ARHGEF3: variants seen among roughly 807,000 people sequenced by gnomAD.
The protein encoded by ARHGEF3 is 59.8 kDA protein.
ARHGEF3 carries 28 observed loss-of-function variants against 63.2 expected under a neutral mutation model. The observed-to-expected ratio is 0.44, with a 90% CI of 0.33 to 0.61. The LOEUF (loss-of-function observed/expected upper bound fraction) is 0.61, where lower values mean the gene tolerates loss of function less well. ARHGEF3 is among the 20% of genes least tolerant of loss of function. The pLI, the probability that ARHGEF3 is intolerant of heterozygous loss-of-function variation, is 0.03. For synonymous variants in ARHGEF3, 266 were observed against 254.2 expected, an observed-to-expected ratio of 1.05 and a Z score of -0.44; for missense variants, 533 against 659.3, an observed-to-expected ratio of 0.81 and a Z score of 2.10.
chr3:56,739,911 T>C (rs569060828), intron 7 of ARHGEF3, among the ~76,000 whole-genome samples: 1,656 of 152,018 alleles, frequency 0.011, 30 homozygotes, highest in African/African-American at 0.038. Flanking sequence ...ATTTTTTTTT[T>C]TTTTTGAGAC....
chr3:56,765,406 TG>T (rs1486405867), intron 2 of ARHGEF3, among the ~76,000 whole-genome samples: 4 of 152,158 alleles, frequency 2.6e-5, no homozygotes, highest in African/African-American at 9.6e-5. Context: ...GTCTGGTTTC[TG>T]GTTGCTTTCC....
At chr3:57,017,034 A>T (rs13318296) in intron 2 of ARHGEF3, among the ~76,000 whole-genome samples, 4,960 of 54,564 alleles carry the variant, frequency 0.091, 242 homozygotes, top group African/African-American at 0.27. Flanking sequence ...TCTCTCTCTC[A>T]CACACACACA....
intron 1 of ARHGEF3, chr3:57,076,848 T>C (rs1002587507): frequency 2.6e-5 from 4 of 152,200 alleles, no homozygotes; most frequent in Non-Finnish European, 1.5e-5. Context: ...CACACCTCTG[T>C]CCTCTTGAAT....
intron 2 of ARHGEF3, among the ~76,000 whole-genome samples, chr3:56,964,583 G>T (rs1354928972): frequency 1.3e-5 from 2 of 152,298 alleles, no homozygotes; most frequent in East Asian, 3.9e-4. Context: ...AGACATTAGA[G>T]ATCAGCAGTG....
At chr3:56,992,546 G>GGAGAACT (rs1430464008) in intron 2 of ARHGEF3, among the ~76,000 whole-genome samples, 10 of 152,094 alleles carry the variant, frequency 6.6e-5, no homozygotes, top group Non-Finnish European at 1.2e-4. Flanking sequence ...ACACAGCATG[G>GGAGAACT]GAGAACTATG....
At chr3:56,786,324 T>C (rs1269088073) in intron 1 of ARHGEF3, among the ~76,000 whole-genome samples, 2 of 152,310 alleles carry the variant, frequency 1.3e-5, no homozygotes, top group East Asian at 3.9e-4. Flanking sequence ...TGCAGATAAA[T>C]AAGATACAAA....
At chr3:56,863,143 C>CT (rs66950659) in intron 4 of ARHGEF3, among the ~76,000 whole-genome samples, 2,715 of 145,442 alleles carry the variant, frequency 0.019, 54 homozygotes, top group African/African-American at 0.059. Flanking sequence ...TTACCTTTTT[C>CT]TTTTTTTTTT....
chr3:56,889,357 C>G (rs1479460525), intron 3 of ARHGEF3, among the ~76,000 whole-genome samples: 2 of 152,188 alleles, frequency 1.3e-5, no homozygotes. Context: ...CCTTACCTGG[C>G]TTAACTTCCA....
intron 1 of ARHGEF3, among the ~76,000 whole-genome samples, chr3:57,065,270 T>C (rs1228319586): frequency 1.3e-5 from 2 of 152,200 alleles, no homozygotes; most frequent in Admixed American, 1.3e-4. Flanking sequence ...GACACCAGCC[T>C]GGCCAACATG....
chr3:56,900,264 A>C (rs1247143621), intron 3 of ARHGEF3, among the ~76,000 whole-genome samples: 1 of 152,192 alleles, frequency 6.6e-6, no homozygotes, highest in Non-Finnish European at 1.5e-5. Flanking sequence ...GAGAAATCTA[A>C]ACACCCTCTA....
chr3:56,735,911 C>T (rs929681995), intron 8 of ARHGEF3, among the ~76,000 whole-genome samples: 4 of 152,158 alleles, frequency 2.6e-5, no homozygotes, highest in African/African-American at 9.7e-5. Flanking sequence ...ACGGATGTCC[C>T]TTGAATTATC....
In ARHGEF3 at chr3:57,030,941, C is replaced by T. The variant is rs80353356; in HGVS notation, c.62+4147G>A. Among the ~76,000 whole-genome samples, 170 of 152,334 alleles carry T rather than the reference C, an allele frequency of 1.1e-3. 2 individuals carry two copies. In the East Asian group the frequency reaches 0.027, roughly 24 times the overall value. On this transcript the variant is annotated intron_variant, in intron 2 of 12. Coordinates refer to the ARHGEF3 transcript ENST00000338458. The stretch of plus-strand genomic sequence containing the variant: ...CTGCCCATAAATCACAGTAACAAAA[C>T]TGCATCTCACAAACGGAAGCACGGC...
intron 2 of ARHGEF3, among the ~76,000 whole-genome samples, chr3:56,766,593 T>C (rs563190330): frequency 2.0e-5 from 3 of 152,330 alleles, no homozygotes; most frequent in East Asian, 3.9e-4. Flanking sequence ...TATTAGGCAC[T>C]GTGGATACAG....
chr3:56,843,013 T>A lies in ARHGEF3; in HGVS notation c.192+39279A>T, dbSNP rs182837911. Among the ~76,000 whole-genome samples, 470 of 152,328 alleles carry A rather than the reference T, an allele frequency of 3.1e-3. 2 individuals are homozygous for A. Among genetic ancestry groups the A allele is most frequent in the African/African-American group, 0.011 (440 of 41,566 alleles). ...AACTTCTAGTTATACAAGTAACACA[T>A]GAATTATTTCTCCTTGTAAAAACTT... On this transcript the variant is annotated intron_variant, in intron 4 of 12. Coordinates refer to the ARHGEF3 transcript ENST00000338458.
chr3:56,778,710 A>T (rs2317251), intron 1 of ARHGEF3, among the ~76,000 whole-genome samples: 60,498 of 151,540 alleles, frequency 0.4, 12,713 homozygotes, highest in East Asian at 0.66. Context: ...AATTTTAAAA[A>T]TTTTTTTAGA....
chr3:56,938,806 C>T (rs1351032440), intron 3 of ARHGEF3: 1 of 152,232 alleles, frequency 6.6e-6, no homozygotes, highest in Non-Finnish European at 1.5e-5. Context: ...GCCCAGGGCG[C>T]CTTTGTCTGT....
chr3:56,953,573 T>G (rs561542300), intron 3 of ARHGEF3, among the ~76,000 whole-genome samples: 1 of 152,282 alleles, frequency 6.6e-6, no homozygotes, highest in East Asian at 1.9e-4. Context: ...TACAGAGCCC[T>G]GTCCACCTGG....
intron 2 of ARHGEF3, among the ~76,000 whole-genome samples, chr3:56,963,396 A>G (rs1288508796): frequency 6.6e-6 from 1 of 152,138 alleles, no homozygotes; most frequent in East Asian, 1.9e-4. Flanking sequence ...AAATATACAC[A>G]AAAGAAAACA....
At chr3:56,806,744 T>C (rs764941234), upstream of ARHGEF3, among the ~76,000 whole-genome samples, 1 of 152,202 alleles carries the variant, frequency 6.6e-6, no homozygotes, top group Non-Finnish European at 1.5e-5. Context: ...GTCAACTCCT[T>C]AAATCCCAGT....
Sources: gnomAD v4.1 joint callset for allele counts (sites outside exome capture counted in the v4.1 genomes callset) on GRCh38, gnomAD v4.1.1 for gene constraint, MANE v1.5 for transcripts, NCBI Gene and HGNC (gene_info 2026-07-23, HGNC 2026-07-21) for gene names.